COMMD10: variants seen among roughly 807,000 people sequenced by gnomAD.
The protein encoded by COMMD10 is COMM domain containing 10, also known as COMM domain-containing protein 10.
Under a neutral mutation model 28.9 loss-of-function variants are expected in COMMD10, and 33 were observed. The observed-to-expected ratio is 1.14, with a 90% CI of 0.87 to 1.53. COMMD10 has a LOEUF of 1.53. Among genes scored for constraint, COMMD10 ranks in the 40% most tolerant of loss-of-function variants. The pLI is 0.00. For missense variants in COMMD10, 310 were observed against 233.4 expected (o/e 1.33, Z -2.14); for synonymous variants, 110 against 81.7 (o/e 1.35, Z -1.87).
intron 5 of COMMD10, among the ~76,000 whole-genome samples, chr5:116,157,376 C>G (rs902990566): frequency 6.6e-6 from 1 of 152,172 alleles, no homozygotes; most frequent in Non-Finnish European, 1.5e-5. Context: ...AGTTGGCTGG[C>G]TGGGCTTGGC....
intron 5 of COMMD10, among the ~76,000 whole-genome samples, chr5:116,171,841 A>G (rs1038127906): frequency 2.6e-5 from 4 of 152,014 alleles, no homozygotes; most frequent in Non-Finnish European, 5.9e-5. Flanking sequence ...GTGTGGGGCT[A>G]GGGGAGGGAT....
At chr5:116,217,132 A>C (rs866847199) in intron 5 of COMMD10, among the ~76,000 whole-genome samples, 19 of 151,960 alleles carry the variant, frequency 1.3e-4, no homozygotes, top group Admixed American at 8.5e-4. Flanking sequence ...TTTGGAAAAT[A>C]CAAACAAGTA....
chr5:116,278,065 G>A (rs28125), intron 5 of COMMD10, among the ~76,000 whole-genome samples: 16,069 of 151,720 alleles, frequency 0.11, 1,058 homozygotes, highest in East Asian at 0.24. Context: ...AGCCAAGATA[G>A]TAACACATGT....
intron 5 of COMMD10, among the ~76,000 whole-genome samples, chr5:116,200,994 G>T (rs1328828285): frequency 6.6e-6 from 1 of 152,100 alleles, no homozygotes; most frequent in Admixed American, 6.6e-5. Context: ...CACTTTTTTA[G>T]TAAGCCTGTG....
intron 5 of COMMD10, among the ~76,000 whole-genome samples, chr5:116,233,946 T>G (rs552665535): frequency 5.9e-5 from 9 of 152,236 alleles, no homozygotes; most frequent in African/African-American, 2.2e-4. Context: ...GAAGAATCCT[T>G]GATAACTGGA....
At chr5:116,207,799 G>C (rs1264170166) in intron 5 of COMMD10, among the ~76,000 whole-genome samples, 1 of 152,132 alleles carries the variant, frequency 6.6e-6, no homozygotes, top group African/African-American at 2.4e-5. Flanking sequence ...GATTACAGGT[G>C]TGAGCCACCA....
intron 5 of COMMD10, among the ~76,000 whole-genome samples, chr5:116,154,879 C>G (rs766070957): frequency 1.5e-3 from 223 of 151,922 alleles, no homozygotes; most frequent in Non-Finnish European, 1.4e-3. Context: ...ATCTCAGAGA[C>G]AAGGCTGTTC....
chr5:116,263,524 A>G (rs766623637), intron 5 of COMMD10, among the ~76,000 whole-genome samples: 3 of 151,714 alleles, frequency 2.0e-5, no homozygotes, highest in Non-Finnish European at 4.4e-5. Context: ...GATCCAGGCG[A>G]TAATCAACTA....
Position 116,292,636 on chromosome 5 carries a change from C to T in COMMD10, c.*147C>T, listed in dbSNP as rs551843348. The T allele has an allele frequency of 1.5e-5, 8 of 519,304 alleles. No homozygotes were observed. Among genetic ancestry groups the T allele is most frequent in the South Asian group, 8.4e-5 (2 of 23,870 alleles). 32.2% of individuals were successfully genotyped at this position (519,304 alleles called of 1,614,324 possible). ...TTATCACTTCTTAGACAAATAACAACCAATAGAGATCATTGTTAAGAATAC... is the reference window on the plus strand; with the variant it reads ...TTATCACTTCTTAGACAAATAACAATCAATAGAGATCATTGTTAAGAATAC... On this transcript the variant is annotated 3_prime_UTR_variant, in exon 7 of 7. Transcript: ENST00000274458.
intron 5 of COMMD10, among the ~76,000 whole-genome samples, chr5:116,247,621 C>T (rs1749988044): frequency 1.3e-5 from 2 of 152,226 alleles, no homozygotes; most frequent in African/African-American, 2.4e-5. Context: ...CCATGGAATA[C>T]TATGCAGCCA....
chr5:116,268,745 C>T (rs891586669), intron 5 of COMMD10, among the ~76,000 whole-genome samples: 2 of 151,898 alleles, frequency 1.3e-5, no homozygotes, highest in African/African-American at 2.4e-5. Flanking sequence ...GACACACATG[C>T]ACCATGGAAT....
chr5:116,210,468 G>T (rs1748932263), intron 5 of COMMD10, among the ~76,000 whole-genome samples: 1 of 151,964 alleles, frequency 6.6e-6, no homozygotes, highest in Non-Finnish European at 1.5e-5. Context: ...AGGAAGTTGT[G>T]AAATACAATC....
chr5:116,199,845 T>C (rs1400604148), intron 5 of COMMD10, among the ~76,000 whole-genome samples: 3 of 152,138 alleles, frequency 2.0e-5, no homozygotes, highest in African/African-American at 7.2e-5. Context: ...CTCCAGAGTA[T>C]CTGGGATTAC....
At chr5:116,148,010 TTGTA>T (rs1379111238) in intron 5 of COMMD10, among the ~76,000 whole-genome samples, 1 of 151,840 alleles carries the variant, frequency 6.6e-6, no homozygotes, top group African/African-American at 2.4e-5. Context: ...ATTCTGTTGT[TTGTA>T]TGTTCCATTT....
intron 5 of COMMD10, among the ~76,000 whole-genome samples, chr5:116,281,656 A>G (rs1751072325): frequency 6.6e-6 from 1 of 151,784 alleles, no homozygotes. Flanking sequence ...AGTTAACAAT[A>G]TTAGTGACTT....
intron 5 of COMMD10, among the ~76,000 whole-genome samples, chr5:116,253,680 G>T (rs559847824): frequency 3.7e-4 from 54 of 147,828 alleles, no homozygotes; most frequent in Admixed American, 8.8e-4. Flanking sequence ...TTTTTGATGT[G>T]CTGCTGGATT....
intron 5 of COMMD10, among the ~76,000 whole-genome samples, chr5:116,164,476 G>A (rs1024770941): frequency 2.6e-5 from 4 of 152,172 alleles, no homozygotes; most frequent in African/African-American, 9.7e-5. Flanking sequence ...TTGGTTTAGA[G>A]AAGTCTTCTC....
chr5:116,190,576 T>C (rs2112611309), intron 5 of COMMD10, among the ~76,000 whole-genome samples: 1 of 152,346 alleles, frequency 6.6e-6, no homozygotes, highest in African/African-American at 2.4e-5. Flanking sequence ...AGATTTTCTG[T>C]CACTGGCAAC....
At chr5:116,111,846 T>C (rs771521114) in intron 4 of COMMD10, among the ~76,000 whole-genome samples, 1 of 152,196 alleles carries the variant, frequency 6.6e-6, no homozygotes. Context: ...CTCAGTGAGC[T>C]GTCTAATGCT....
Sources: allele counts gnomAD v4.1 joint callset (sites outside exome capture counted in the v4.1 genomes callset), GRCh38; gene constraint gnomAD v4.1.1; transcripts MANE v1.5; gene names NCBI Gene and HGNC (gene_info 2026-07-23, HGNC 2026-07-21).